STXBP3: variants seen among roughly 807,000 people sequenced by gnomAD.
STXBP3 encodes the protein syntaxin-binding protein 3.
Under a neutral mutation model 85.7 loss-of-function variants are expected in STXBP3, and 41 were observed. The ratio of observed to expected loss-of-function variants is 0.48; its 90% CI spans 0.37 to 0.62. STXBP3 has a LOEUF of 0.62. Among genes scored for constraint, STXBP3 ranks in the 20% least tolerant of loss-of-function variants. STXBP3 has a pLI of 0.00. For synonymous variants in STXBP3, 229 were observed against 231.7 expected (o/e 0.99, Z 0.10); for missense variants, 563 against 703.1 (o/e 0.80, Z 2.25).
intron 11 of STXBP3, among the ~76,000 whole-genome samples, chr1:108,784,861 G>T (rs566976335): frequency 7.6e-4 from 115 of 152,308 alleles, no homozygotes; most frequent in African/African-American, 2.5e-3. Flanking sequence ...CCCCATGCAG[G>T]TCCAAAATCC....
In STXBP3 at chr1:108,792,640, A is replaced by G. The variant is rs528997363; in HGVS notation, c.964-942A>G. ...GTCTACTTTTATTGACTGTTTTGTCACTTGAGTATCAATCACTTTCCTGTT... is the reference window on the plus strand; with the variant it reads ...GTCTACTTTTATTGACTGTTTTGTCGCTTGAGTATCAATCACTTTCCTGTT... On this transcript the variant is annotated intron_variant, in intron 11 of 18. Coordinates refer to ENST00000370008, the MANE Select transcript of STXBP3 (RefSeq NM_007269.4). Among the ~76,000 whole-genome samples, 3 of 152,184 alleles carry G rather than the reference A, an allele frequency of 2.0e-5. No homozygotes were observed. The South Asian group carries it at 6.2e-4, about 32-fold the overall frequency.
intron 6 of STXBP3, among the ~76,000 whole-genome samples, chr1:108,764,216 C>G (rs1255446889): frequency 2.6e-5 from 4 of 152,086 alleles, no homozygotes; most frequent in African/African-American, 9.7e-5. Context: ...GACATAATCT[C>G]ATTCTTTTTT....
Position 108,779,345 on chromosome 1 carries a change from C to T in STXBP3, c.744C>T (p.Val248=). Residue 248 remains valine, a synonymous_variant, in exon 9 of 19, where the codon GTC becomes GTT. Coordinates refer to ENST00000370008, the MANE Select transcript of STXBP3 (RefSeq NM_007269.4). Reference sequence around the variant, plus strand: ...GTGGCTTTGATCCTGTGTCCACTGTCCTGCATGAACTGACCTTTCAGGCAA... The same window carrying T: ...GTGGCTTTGATCCTGTGTCCACTGTTCTGCATGAACTGACCTTTCAGGCAA... ...IDRGFDPVST[V]LHELTFQAMA... 1 of 1,613,216 alleles carries T rather than the reference C, an allele frequency of 6.2e-7. No homozygotes were observed. Among genetic ancestry groups the T allele is most frequent in the Non-Finnish European group, 8.5e-7 (1 of 1,179,462 alleles).
chr1:108,778,974 C>CT (rs1490711803), intron 8 of STXBP3, among the ~76,000 whole-genome samples: 6 of 152,134 alleles, frequency 3.9e-5, no homozygotes, highest in Non-Finnish European at 7.4e-5. Context: ...TGAAAAAACT[C>CT]TGAGTATAAG....
At chr1:108,775,504 C>T (rs903811911) in intron 7 of STXBP3, among the ~76,000 whole-genome samples, 1 of 151,976 alleles carries the variant, frequency 6.6e-6, no homozygotes, top group African/African-American at 2.4e-5. Context: ...CTAGATCTTA[C>T]TCATTCTACC....
intron 11 of STXBP3, among the ~76,000 whole-genome samples, chr1:108,783,053 C>A (rs1482382659): frequency 6.6e-6 from 1 of 152,168 alleles, no homozygotes; most frequent in Admixed American, 6.5e-5. Flanking sequence ...CCACACCTGA[C>A]TAATTTTTGT....
chr1:108,780,143 T>A (rs1439671271), intron 9 of STXBP3: 1 of 152,174 alleles, frequency 6.6e-6, no homozygotes, highest in Non-Finnish European at 1.5e-5. Flanking sequence ...TCTGAAATTT[T>A]ATGTTTAAAC....
chr1:108,807,662 C>T (rs61797353), intron 18 of STXBP3, 113 bp downstream of exon 18: 59,619 of 1,060,654 alleles, frequency 0.056, 1,931 homozygotes, highest in Admixed American at 0.072. Context: ...CCGCAACCTC[C>T]GCCTCCCAGG....
At position 108,782,447 on chromosome 1, in the gene STXBP3, G is replaced by A; in HGVS notation, c.835G>A (p.Glu279Lys). Reference protein sequence around the residue: ...YKYKTDGKEKEAILEEEDDLW... With the variant: ...YKYKTDGKEKKAILEEEDDLW... ...ATATAAAACAGATGGAAAAGAAAAG[G>A]AGGCCATCCTTGAAGAAGAAGATGA... The change falls in exon 10 of 19, where the codon GAG becomes AAG. Residue 279 changes from glutamate (E) to lysine (K), a missense_variant. Coordinates refer to ENST00000370008, the MANE Select transcript of STXBP3 (RefSeq NM_007269.4). The A allele has an allele frequency of 6.2e-7, 1 of 1,613,570 alleles. No individual in the cohort carries two copies. Among genetic ancestry groups the A allele is most frequent in the Non-Finnish European group, 8.5e-7 (1 of 1,179,790 alleles).
intron 7 of STXBP3, among the ~76,000 whole-genome samples, chr1:108,775,264 TTCTC>T (rs1170342284): frequency 1.3e-5 from 2 of 151,992 alleles, no homozygotes; most frequent in African/African-American, 4.8e-5. Context: ...GCCTTTTTCT[TTCTC>T]TCTCTCTTTT....
At chr1:108,801,735 C>T (rs1051119219) in intron 17 of STXBP3, among the ~76,000 whole-genome samples, 2 of 151,274 alleles carry the variant, frequency 1.3e-5, no homozygotes, top group Non-Finnish European at 1.5e-5. Context: ...GTGGCATGAT[C>T]GTAGCTTACT....
chr1:108,748,042 C>G (rs1156322365), intron 1 of STXBP3, among the ~76,000 whole-genome samples: 1 of 152,114 alleles, frequency 6.6e-6, no homozygotes, highest in Non-Finnish European at 1.5e-5. Context: ...AAGCTTTTCC[C>G]TTTTTCACAT....
intron 14 of STXBP3, 102 bp from the exon 15 acceptor site, chr1:108,796,516 CTG>C (rs1663103598): frequency 3.3e-6 from 4 of 1,207,818 alleles, no homozygotes; most frequent in Non-Finnish European, 4.6e-6. Context: ...TATAATTTGA[CTG>C]TTTTTTATTT....
intron 1 of STXBP3, among the ~76,000 whole-genome samples, chr1:108,750,328 A>G (rs1341931145): frequency 2.0e-5 from 3 of 152,178 alleles, no homozygotes; most frequent in African/African-American, 7.2e-5. Flanking sequence ...GTAGGGTTCT[A>G]GAAGCCAGCG....
rs574027043 is a variant in STXBP3 at position 108,804,450 on chromosome 1, A to G, written c.1536-2951A>G. Reference sequence around the variant, plus strand: ...TTTATTGTCTATTGTCATTTTAAACATACCTAATTTGTAGTCTATATCTAA... The same window carrying G: ...TTTATTGTCTATTGTCATTTTAAACGTACCTAATTTGTAGTCTATATCTAA... On this transcript the variant is annotated intron_variant, in intron 17 of 18. Coordinates refer to ENST00000370008, the MANE Select transcript of STXBP3 (RefSeq NM_007269.4). Among the ~76,000 whole-genome samples, 37 of 152,242 alleles carry G rather than the reference A, an allele frequency of 2.4e-4. 1 individual carries two copies. The South Asian group carries it at 6.6e-3, about 27-fold the overall frequency.
rs1311327040 is a variant in STXBP3, at chr1:108,752,345, A to G, written c.99+39A>G. On this transcript the variant is annotated intron_variant, in intron 2 of 18. Transcript: ENST00000370008. ...ACCTTGCTCTTATAAAAAATAATAC[A>G]AACTTTAAAAACAATACAGTATAAA... 1.9e-6 allele frequency: 3 copies of G among 1,571,926 alleles called. No homozygotes were observed. In the South Asian group the frequency reaches 3.4e-5, roughly 18 times the overall value.
chr1:108,761,063 C>T (rs1032023926), intron 6 of STXBP3, among the ~76,000 whole-genome samples: 3 of 143,410 alleles, frequency 2.1e-5, no homozygotes, highest in Non-Finnish European at 3.1e-5. Flanking sequence ...GTCACCACAC[C>T]TGGCTAATTT....
At chr1:108,795,162 G>A (rs1663063533) in intron 13 of STXBP3, among the ~76,000 whole-genome samples, 1 of 151,984 alleles carries the variant, frequency 6.6e-6, no homozygotes. Flanking sequence ...TTTAAATTTT[G>A]GGAGCATGAT....
intron 18 of STXBP3, 92 bp downstream of exon 18, chr1:108,807,641 A>G (rs1452606701): frequency 1.5e-6 from 2 of 1,348,840 alleles, no homozygotes; most frequent in Non-Finnish European, 2.0e-6. Flanking sequence ...GAATGGCGCA[A>G]TCTTGGCTCA....
Sources: gnomAD v4.1 joint callset for allele counts (sites outside exome capture counted in the v4.1 genomes callset) on GRCh38, gnomAD v4.1.1 for gene constraint, MANE v1.5 for transcripts, NCBI Gene and HGNC (gene_info 2026-07-23, HGNC 2026-07-21) for gene names.